SLC28A3: variants seen among roughly 807,000 people sequenced by gnomAD.
SLC28A3 encodes concentrative Na(+)-nucleoside cotransporter 3.
SLC28A3 carries 68 observed loss-of-function variants against 84.2 expected under a neutral mutation model. That is an observed-to-expected ratio of 0.81 (90% CI 0.66 to 0.99). The LOEUF (loss-of-function observed/expected upper bound fraction) is 0.99. SLC28A3 is among the 50% of genes least tolerant of loss of function. The pLI is 0.00. For synonymous variants in SLC28A3, 267 were observed against 303.6 expected (o/e 0.88, Z 1.25); for missense variants, 712 against 841.5 (o/e 0.85, Z 1.90).
At chr9:84,335,090 T>C (rs2118606172) in intron 1 of SLC28A3, among the ~76,000 whole-genome samples, 1 of 152,294 alleles carries the variant, frequency 6.6e-6, no homozygotes, top group South Asian at 2.1e-4. Context: ...CTCCCAAATG[T>C]GTGTCCTCTT....
At chr9:84,284,814 C>T (rs1824912283) in intron 14 of SLC28A3, among the ~76,000 whole-genome samples, 1 of 152,194 alleles carries the variant, frequency 6.6e-6, no homozygotes. Flanking sequence ...TTTTCTCTCC[C>T]TCATCCACGT....
intron 3 of SLC28A3, among the ~76,000 whole-genome samples, chr9:84,307,418 G>A (rs138726998): frequency 7.9e-6 from 1 of 127,190 alleles, no homozygotes; most frequent in African/African-American, 3.3e-5. Context: ...GAGACAGAGC[G>A]AGACTCCATC....
At chr9:84,304,977 G>A (rs1825742342) in intron 4 of SLC28A3, among the ~76,000 whole-genome samples, 1 of 152,070 alleles carries the variant, frequency 6.6e-6, no homozygotes, top group Non-Finnish European at 1.5e-5. Context: ...AGCTGAGATG[G>A]CGCCATTGCA....
intron 9 of SLC28A3, 65 bp from the exon 10 acceptor site, chr9:84,292,813 G>T (rs45560337): frequency 0.056 from 62,634 of 1,127,462 alleles, 2,143 homozygotes; most frequent in Middle Eastern, 0.082. Flanking sequence ...TCAAAGTAGG[G>T]ATTAAAATCC....
chr9:84,355,904 C>T, the SLC28A3 span, among the ~76,000 whole-genome samples: 4 of 152,100 alleles, frequency 2.6e-5, no homozygotes. Context: ...GCCTTGACCT[C>T]CCTGGTCTCA....
At chr9:84,361,761 T>A in the SLC28A3 span, among the ~76,000 whole-genome samples, 20 of 149,356 alleles carry the variant, frequency 1.3e-4, no homozygotes, top group East Asian at 5.9e-4. Context: ...AAAAAAAAAA[T>A]AATAAGCTGG....
At chr9:84,311,322 G>A (rs1825979922) in intron 2 of SLC28A3, among the ~76,000 whole-genome samples, 1 of 152,000 alleles carries the variant, frequency 6.6e-6, no homozygotes, top group African/African-American at 2.4e-5. Flanking sequence ...CAGCAAAATG[G>A]AGCTGAAACT....
chr9:84,360,021 AAAG>A, the SLC28A3 span, among the ~76,000 whole-genome samples: 4 of 151,726 alleles, frequency 2.6e-5, no homozygotes, highest in African/African-American at 9.7e-5. Flanking sequence ...AAAAAAAAAA[AAAG>A]AAGTCTTAAG....
chr9:84,361,426 G>A, the SLC28A3 span, among the ~76,000 whole-genome samples: 1 of 152,232 alleles, frequency 6.6e-6, no homozygotes, highest in East Asian at 1.9e-4. Context: ...ACACGAAGAA[G>A]TCAGGAAACA....
Position 84,309,665 on chromosome 9 carries a change from T to G in SLC28A3, c.206A>C (p.His69Pro), listed in dbSNP as rs770848937. ...VEQDSPRNRE[H>P]MEDDDEEMQQ... Reference sequence around the variant, plus strand: ...CATCTCCTCATCATCATCCTCCATGTGTTCTCTGTTTCTTGGAGAATCCTG... The same window carrying G: ...CATCTCCTCATCATCATCCTCCATGGGTTCTCTGTTTCTTGGAGAATCCTG... Residue 69 changes from histidine (H) to proline (P), a missense_variant, in exon 3 of 18, where the codon CAC becomes CCC. Transcript: ENST00000376238. The G allele has an allele frequency of 6.2e-7, 1 of 1,614,030 alleles. No individual in the cohort carries two copies. The highest frequency in any genetic ancestry group is 1.1e-5 in the South Asian group (1 of 91,064).
chr9:84,312,623 C>A (rs895250034), intron 2 of SLC28A3, among the ~76,000 whole-genome samples: 1 of 151,108 alleles, frequency 6.6e-6, no homozygotes, highest in African/African-American at 2.4e-5. Context: ...ACTGCAACCT[C>A]TACCTCCTGG....
chr9:84,329,111 G>A (rs1189603361), intron 1 of SLC28A3, among the ~76,000 whole-genome samples: 1 of 152,102 alleles, frequency 6.6e-6, no homozygotes. Flanking sequence ...TAGGTTTTAA[G>A]ACAACAATTG....
At chr9:84,341,293 G>A (rs1827152279), upstream of SLC28A3, among the ~76,000 whole-genome samples, 2 of 152,110 alleles carry the variant, frequency 1.3e-5, no homozygotes, top group Admixed American at 1.3e-4. Flanking sequence ...GTTCTCTATA[G>A]TGCTTAGTGA....
chr9:84,334,308 A>C (rs1392045015), intron 1 of SLC28A3, among the ~76,000 whole-genome samples: 1 of 152,158 alleles, frequency 6.6e-6, no homozygotes, highest in African/African-American at 2.4e-5. Flanking sequence ...CAAAAAAACA[A>C]AAAAAAAGTT....
At position 84,290,140 on chromosome 9, in the gene SLC28A3, C is replaced by T. The variant is rs769345294; in HGVS notation, c.1149+14G>A. On this transcript the variant is annotated intron_variant, in intron 11 of 17. Transcript: ENST00000376238. The stretch of plus-strand genomic sequence containing the variant: ...GAAGAGGTTGGTGTTTTCATAATTC[C>T]AAAACATTCTTACCCCAAAAGAAAT... 1 of 1,610,932 alleles carries T rather than the reference C, an allele frequency of 6.2e-7. No individual in the cohort carries two copies. The highest frequency in any genetic ancestry group is 1.1e-5 in the South Asian group (1 of 90,624).
intron 15 of SLC28A3, 82 bp from the exon 16 acceptor site, chr9:84,280,155 C>G: frequency 3.0e-6 from 4 of 1,329,852 alleles, no homozygotes; most frequent in Non-Finnish European, 4.1e-6. Flanking sequence ...TGTTCTGAGG[C>G]TGGGCTCAGG....
chr9:84,282,387 A>C (rs1350743104), intron 14 of SLC28A3, among the ~76,000 whole-genome samples: 2 of 152,162 alleles, frequency 1.3e-5, no homozygotes, highest in African/African-American at 4.8e-5. Context: ...TGGTATATAA[A>C]TTATAATTCA....
intron 10 of SLC28A3, among the ~76,000 whole-genome samples, chr9:84,290,911 A>C (rs1386823104): frequency 1.3e-5 from 2 of 152,224 alleles, no homozygotes; most frequent in Non-Finnish European, 2.9e-5. Context: ...TGTAATTGAG[A>C]ATCAGAGACC....
intron 11 of SLC28A3, 79 bp from the exon 12 acceptor site, chr9:84,288,257 A>C: frequency 6.3e-7 from 1 of 1,590,430 alleles, no homozygotes; most frequent in Non-Finnish European, 8.6e-7. Flanking sequence ...AGAGCTCCGC[A>C]AGGGAAGAAA....
Sources: gnomAD v4.1 joint callset for allele counts (sites outside exome capture counted in the v4.1 genomes callset) on GRCh38, gnomAD v4.1.1 for gene constraint, MANE v1.5 for transcripts, NCBI Gene and HGNC (gene_info 2026-07-23, HGNC 2026-07-21) for gene names.